PLCE1: variants seen among roughly 807,000 people sequenced by gnomAD.
PLCE1 encodes the protein 1-phosphatidylinositol 4,5-bisphosphate phosphodiesterase epsilon-1.
Under a neutral mutation model 242.8 loss-of-function variants are expected in PLCE1, and 119 were observed. That is an observed-to-expected ratio of 0.49 (90% CI 0.42 to 0.57). The LOEUF is 0.57. Among genes scored for constraint, PLCE1 ranks in the 20% least tolerant of loss-of-function variants. PLCE1 has a pLI of 0.00. For synonymous variants in PLCE1, 945 were observed against 1,017.4 expected, an observed-to-expected ratio of 0.93 and a Z score of 1.35; for missense variants, 2,441 against 2,788.8, an observed-to-expected ratio of 0.88 and a Z score of 2.81.
intron 24 of PLCE1, among the ~76,000 whole-genome samples, chr10:94,299,804 G>C (rs1362683603): frequency 2.0e-5 from 3 of 152,220 alleles, no homozygotes; most frequent in Non-Finnish European, 4.4e-5. Flanking sequence ...TTCTGCCCTT[G>C]TTATATGTGC....
chr10:94,259,697 A>T (rs1458732097), intron 13 of PLCE1, among the ~76,000 whole-genome samples: 12 of 152,154 alleles, frequency 7.9e-5, no homozygotes, highest in Non-Finnish European at 1.5e-4. Flanking sequence ...TTATTTAACC[A>T]ATAAAGCCTT....
chr10:94,250,131 C>CA (rs34113881), intron 8 of PLCE1, among the ~76,000 whole-genome samples: 4,037 of 95,364 alleles, frequency 0.042, 92 homozygotes, highest in Middle Eastern at 0.067. Flanking sequence ...GACTCTGTCT[C>CA]AAAAAAAAAA....
chr10:94,014,976 G>A (rs1347747329), intron 1 of PLCE1, among the ~76,000 whole-genome samples: 3 of 152,220 alleles, frequency 2.0e-5, no homozygotes, highest in Admixed American at 6.5e-5. Context: ...TAGCCAGGGT[G>A]GATGGGTTAA....
In PLCE1 at chr10:94,322,037, C is replaced by A. The variant is rs1373181398; in HGVS notation, c.6479C>A (p.Thr2160Asn). Residue 2160 changes from threonine (T) to asparagine (N), a missense_variant, in exon 30 of 33, where the codon ACT becomes AAT. Around this residue, in one of 5 missense-constraint regions of PLCE1, gnomAD observed 310 missense variants for 317.2 expected, o/e 0.98. Coordinates refer to ENST00000371380, the MANE Select transcript of PLCE1 (RefSeq NM_016341.4). ...GTCATCAAAGCACCCCGCGTCAGCA[C>A]TGCACAGGATGTCATTCAGCAGGTA... The part of the protein sequence containing the change: ...RTVIKAPRVS[T>N]AQDVIQQTLC... 6.2e-7 allele frequency: 1 copy of A among 1,614,042 alleles called. No homozygotes were observed. The highest frequency in any genetic ancestry group is 1.3e-5 in the African/African-American group (1 of 74,922).
intron 4 of PLCE1, among the ~76,000 whole-genome samples, chr10:94,178,427 T>A (rs2048191725): frequency 6.6e-6 from 1 of 152,160 alleles, no homozygotes; most frequent in South Asian, 2.1e-4. Context: ...TCCCCAATTC[T>A]GTGTGGTCAA....
intron 7 of PLCE1, among the ~76,000 whole-genome samples, chr10:94,241,326 G>T (rs571876912): frequency 6.6e-6 from 1 of 152,198 alleles, no homozygotes; most frequent in South Asian, 2.1e-4. Context: ...ACTTAACTCA[G>T]AACTTAAATG....
chr10:94,123,257 C>T (rs1481515200), intron 2 of PLCE1, among the ~76,000 whole-genome samples: 1 of 152,154 alleles, frequency 6.6e-6, no homozygotes, highest in African/African-American at 2.4e-5. Context: ...GCATTTGCAG[C>T]TGCGAAATTC....
At position 94,254,882 on chromosome 10, in the gene PLCE1, C is replaced by T. The variant is rs545225491; in HGVS notation, c.3398-11C>T. 1.2e-6 allele frequency: 2 copies of T among 1,613,728 alleles called. No individual in the cohort carries two copies. Among genetic ancestry groups the T allele is most frequent in the Middle Eastern group, 1.7e-4 (1 of 6,048 alleles). ...GAGTCATTCTCTCTTTTCTGTCTTT[C>T]ATCCTCACAGAGGTGAATGCCATCG... On this transcript the variant is annotated splice_polypyrimidine_tract_variant and intron_variant, in intron 10 of 32. Transcript: ENST00000371380.
At chr10:94,289,424 G>T (rs1247004535) in intron 22 of PLCE1, among the ~76,000 whole-genome samples, 2 of 152,190 alleles carry the variant, frequency 1.3e-5, no homozygotes, top group African/African-American at 4.8e-5. Context: ...TTACAGTAAT[G>T]CATCACTTAA....
intron 4 of PLCE1, among the ~76,000 whole-genome samples, chr10:94,203,842 C>T (rs2049056880): frequency 6.6e-6 from 1 of 152,208 alleles, no homozygotes; most frequent in Admixed American, 6.5e-5. Flanking sequence ...TATCCACAAC[C>T]TGTGAAGGCA....
intron 2 of PLCE1, chr10:94,100,780 A>G (rs1360002990): frequency 6.6e-6 from 1 of 152,190 alleles, no homozygotes. Flanking sequence ...GCAGACCACT[A>G]TGGAAGATGG....
chr10:94,273,527 G>A, intron 18 of PLCE1, 35 bp from the exon 19 acceptor site: 2 of 1,569,226 alleles, frequency 1.3e-6, no homozygotes, highest in Non-Finnish European at 1.8e-6. Context: ...ATAGATAAAA[G>A]GCATTGATTG....
At chr10:94,221,974 C>T (rs1412573759) in intron 4 of PLCE1, among the ~76,000 whole-genome samples, 1 of 152,118 alleles carries the variant, frequency 6.6e-6, no homozygotes, top group African/African-American at 2.4e-5. Flanking sequence ...AGGCCTTTTC[C>T]CAAATATAAT....
chr10:94,167,346 C>G (rs1173664347), intron 3 of PLCE1, among the ~76,000 whole-genome samples: 1 of 151,976 alleles, frequency 6.6e-6, no homozygotes, highest in Non-Finnish European at 1.5e-5. Context: ...TTGATTTTAA[C>G]CATAACAATT....
chr10:94,126,807 T>A (rs552392808), intron 2 of PLCE1, among the ~76,000 whole-genome samples: 1 of 152,286 alleles, frequency 6.6e-6, no homozygotes, highest in African/African-American at 2.4e-5. Flanking sequence ...TCAAAAGGAA[T>A]TGAGAATGGC....
intron 3 of PLCE1, among the ~76,000 whole-genome samples, chr10:94,141,428 A>G (rs1055383086): frequency 6.6e-6 from 1 of 152,102 alleles, no homozygotes; most frequent in African/African-American, 2.4e-5. Context: ...CTAATTCTCC[A>G]TAAAGTTTTG....
intron 1 of PLCE1, among the ~76,000 whole-genome samples, chr10:94,001,416 T>A (rs1390819307): frequency 6.6e-6 from 1 of 152,224 alleles, no homozygotes; most frequent in Non-Finnish European, 1.5e-5. Context: ...TCAGCTAGCA[T>A]TTGTATATTT....
At chr10:94,087,367 A>G (rs1022572713) in intron 2 of PLCE1, among the ~76,000 whole-genome samples, 13 of 151,704 alleles carry the variant, frequency 8.6e-5, no homozygotes, top group Admixed American at 1.3e-4. Context: ...AAAAAAAAAA[A>G]AAAGAAAAAT....
At chr10:94,170,523 G>T (rs1351029163) in intron 3 of PLCE1, among the ~76,000 whole-genome samples, 1 of 152,230 alleles carries the variant, frequency 6.6e-6, no homozygotes, top group East Asian at 1.9e-4. Context: ...TACCAGTTGT[G>T]GGCCAGGCAG....
Sources: allele counts gnomAD v4.1 joint callset (sites outside exome capture counted in the v4.1 genomes callset), GRCh38; gene constraint gnomAD v4.1.1; regional missense constraint gnomAD v4.1.1; transcripts MANE v1.5; gene names NCBI Gene and HGNC (gene_info 2026-07-23, HGNC 2026-07-21).